The following PDCD4 variants were observed in gnomAD, a reference collection of about 807,000 sequenced individuals.
The protein encoded by PDCD4 is programmed cell death 4, also known as programmed cell death protein 4.
Under a neutral mutation model 54.0 loss-of-function variants are expected in PDCD4, and 56 were observed. That is an observed-to-expected ratio of 1.04 (90% CI 0.84 to 1.30). The LOEUF (loss-of-function observed/expected upper bound fraction) is 1.30, where lower values mean the gene tolerates loss of function less well. PDCD4 is among the 50% of genes most tolerant of loss of function. The probability of loss-of-function intolerance (pLI) is 0.00; values close to 1 mark genes in which losing one functional copy is unlikely to be tolerated. For synonymous variants in PDCD4, 186 were observed against 194.8 expected (o/e 0.95, Z 0.37); for missense variants, 584 against 559.8 (o/e 1.04, Z -0.44).
intron 2 of PDCD4, among the ~76,000 whole-genome samples, chr10:110,880,163 T>G (rs1178532591): frequency 2.0e-5 from 3 of 152,222 alleles, no homozygotes; most frequent in Non-Finnish European, 4.4e-5. Context: ...GACACTCTGC[T>G]AGGTGATGGG....
intron 7 of PDCD4, 146 bp downstream of exon 7, chr10:110,889,776 A>G (rs1845728596): frequency 1.8e-5 from 11 of 611,208 alleles, no homozygotes; most frequent in Non-Finnish European, 3.2e-5. Flanking sequence ...TGGAGAGACT[A>G]TTGGCATGAT....
At chr10:110,889,272 A>G (rs1207210048) in intron 6 of PDCD4, among the ~76,000 whole-genome samples, 1 of 151,198 alleles carries the variant, frequency 6.6e-6, no homozygotes, top group Non-Finnish European at 1.5e-5. Context: ...GTATTCAGGC[A>G]GTGTGCAAGG....
chr10:110,881,286 AC>A lies in PDCD4; in HGVS notation c.98del (p.Thr33MetfsTer4). ...LFSGDEENAGTEEIKNEINGN... is the reference protein window; with the variant it reads ...LFSGDEENAGXEEIKNEINGN... ...TTCCGGTGATGAAGAAAATGCTGGG[AC>A]TGAGGAAATAAAGAATGAAATAAAT... On this transcript the variant is annotated frameshift_variant, in exon 3 of 12. Coordinates refer to ENST00000280154, the MANE Select transcript of PDCD4 (RefSeq NM_014456.5). LOFTEE classifies it high-confidence loss of function. 1 of 1,613,604 alleles carries A rather than the reference AC, an allele frequency of 6.2e-7. No homozygotes were observed. The highest frequency in any genetic ancestry group is 8.5e-7 in the Non-Finnish European group (1 of 1,179,522).
intron 2 of PDCD4, chr10:110,876,705 C>A: frequency 7.8e-7 from 1 of 1,288,630 alleles, no homozygotes; most frequent in South Asian, 2.2e-5. Flanking sequence ...GCTTCAATAG[C>A]ATGTTATTAT....
intron 5 of PDCD4, 152 bp downstream of exon 5, chr10:110,885,518 A>C: frequency 1.7e-4 from 77 of 464,586 alleles, no homozygotes; most frequent in East Asian, 4.1e-4. Context: ...ATAAAATCTC[A>C]TTACATTAAA....
chr10:110,880,606 C>T (rs1038147782), intron 2 of PDCD4: 3 of 152,230 alleles, frequency 2.0e-5, no homozygotes, highest in Non-Finnish European at 2.9e-5. Context: ...CAATCATATG[C>T]GATTATTTGC....
rs374848737 is a variant in PDCD4 at position 110,894,092 on chromosome 10, T to C, written c.992T>C (p.Ile331Thr). The C allele has an allele frequency of 8.3e-6, 13 of 1,575,636 alleles. No individual in the cohort carries two copies. Among genetic ancestry groups the C allele is most frequent in the East Asian group, 4.5e-5 (2 of 44,582 alleles). ...CATCTCAACTTTTAAATCTAATAGA[T>C]TGATATGCTGCTGAAAGAATATTTA... ...QQSVNHLVKE[I>T]DMLLKEYLLS... The change falls in exon 9 of 12, where the codon ATT (isoleucine) becomes ACT (threonine). Residue 331 changes from isoleucine (I) to threonine (T), a missense_variant and splice_region_variant. Coordinates refer to ENST00000280154, the MANE Select transcript of PDCD4 (RefSeq NM_014456.5).
intron 6 of PDCD4, among the ~76,000 whole-genome samples, chr10:110,889,010 TCA>T (rs1845713316): frequency 6.6e-6 from 1 of 151,972 alleles, no homozygotes; most frequent in East Asian, 1.9e-4. Context: ...GGCAGGCGGA[TCA>T]CGAGGTCAGG....
intron 6 of PDCD4, among the ~76,000 whole-genome samples, chr10:110,888,859 A>T (rs1845710213): frequency 6.6e-6 from 1 of 152,144 alleles, no homozygotes; most frequent in Non-Finnish European, 1.5e-5. Context: ...CTATTTCTAT[A>T]CAACTTTTTT....
intron 4 of PDCD4, among the ~76,000 whole-genome samples, 168 bp downstream of exon 4, chr10:110,883,265 G>A (rs922536238): frequency 1.6e-4 from 24 of 152,136 alleles, no homozygotes; most frequent in South Asian, 2.1e-4. Flanking sequence ...GGTTTCTGTA[G>A]TGAGTCAAAA....
rs1474322629 is a variant in PDCD4, at chr10:110,899,632, T to TATTA, written c.*1546_*1549dup. On this transcript the variant is annotated 3_prime_UTR_variant, in exon 12 of 12. Coordinates refer to ENST00000280154, the MANE Select transcript of PDCD4 (RefSeq NM_014456.5). ...GACCAACATGAAGAAACCCTGTCTCTATTAAAAATACAAAAGTAGCCAGGC... is the reference window on the plus strand; with the variant it reads ...GACCAACATGAAGAAACCCTGTCTCTATTAATTAAAAATACAAAAGTAGCCAGGC... 6.6e-6 allele frequency: 1 copy of TATTA among 152,198 alleles called. No individual in the cohort carries two copies. The highest frequency in any genetic ancestry group is 1.5e-5 in the Non-Finnish European group (1 of 68,052). 9.4% of individuals were successfully genotyped at this position (152,198 alleles called of 1,614,324 possible).
At position 110,898,821 on chromosome 10, in the gene PDCD4, C is replaced by A. The variant is rs532537004; in HGVS notation, c.*733C>A. 1 of 152,656 alleles carries A rather than the reference C, an allele frequency of 6.6e-6. No homozygotes were observed. Among genetic ancestry groups the A allele is most frequent in the South Asian group, 2.1e-4 (1 of 4,828 alleles). 9.5% of individuals were successfully genotyped at this position (152,656 alleles called of 1,614,324 possible). The stretch of plus-strand genomic sequence containing the variant: ...GTAAATTTTGAATCTCATAAGGAAG[C>A]ATATTTGAACCTAGTCAATTTAATC... On this transcript the variant is annotated 3_prime_UTR_variant, in exon 12 of 12. Coordinates refer to ENST00000280154, the MANE Select transcript of PDCD4 (RefSeq NM_014456.5).
intron 1 of PDCD4, 190 bp downstream of exon 1, chr10:110,872,208 C>G (rs528494520): frequency 6.6e-6 from 1 of 152,490 alleles, no homozygotes; most frequent in South Asian, 2.1e-4. Flanking sequence ...GCCGCGCCCT[C>G]CCCAACGCCC....
intron 4 of PDCD4, among the ~76,000 whole-genome samples, chr10:110,884,466 AT>A (rs1225925943): frequency 6.6e-6 from 1 of 151,114 alleles, no homozygotes; most frequent in African/African-American, 2.4e-5. Flanking sequence ...TTCCTTAGAG[AT>A]TTTTTTTCTG....
chr10:110,891,616 C>T (rs909471583), intron 8 of PDCD4, among the ~76,000 whole-genome samples: 1 of 151,876 alleles, frequency 6.6e-6, no homozygotes, highest in African/African-American at 2.4e-5. Context: ...ATAATCTTTT[C>T]ATGTAACTAC....
At chr10:110,881,559 A>C in intron 3 of PDCD4, 24 bp downstream of exon 3, 1 of 1,568,288 alleles carries the variant, frequency 6.4e-7, no homozygotes, top group East Asian at 2.3e-5. Context: ...ATGTCCAACA[A>C]ATGGAAGATA....
At chr10:110,882,278 A>T (rs979029467) in intron 3 of PDCD4, among the ~76,000 whole-genome samples, 2 of 152,228 alleles carry the variant, frequency 1.3e-5, no homozygotes, top group African/African-American at 4.8e-5. Context: ...GTACAAAATA[A>T]AAACCTCCAA....
intron 5 of PDCD4, 44 bp downstream of exon 5, chr10:110,885,410 A>G: frequency 1.2e-6 from 1 of 858,472 alleles, no homozygotes; most frequent in South Asian, 1.6e-5. Flanking sequence ...TATAGGAGAG[A>G]AGACATCTTT....
At chr10:110,876,093 CT>C in intron 2 of PDCD4, 23 bp downstream of exon 2, 5 of 1,589,640 alleles carry the variant, frequency 3.1e-6, no homozygotes, top group East Asian at 2.3e-5. Context: ...ATCCTTTTTT[CT>C]TTTTTTCTTC....
Sources: allele counts gnomAD v4.1 joint callset (sites outside exome capture counted in the v4.1 genomes callset), GRCh38; gene constraint gnomAD v4.1.1; transcripts MANE v1.5; gene names NCBI Gene and HGNC (gene_info 2026-07-23, HGNC 2026-07-21).